Variants in NRXN3 observed in about 807,000 individuals in gnomAD.
NRXN3 encodes the protein neurexin III.
A neutral mutation model predicts 137.6 loss-of-function variants in NRXN3; 32 were observed. The ratio of observed to expected loss-of-function variants is 0.23; its 90% CI spans 0.18 to 0.31. NRXN3 has a LOEUF of 0.31. NRXN3 is among the 10% of genes least tolerant of loss of function. NRXN3 has a pLI of 1.00. For missense variants in NRXN3, 1,574 were observed against 2,062.5 expected (o/e 0.76, Z 4.59); for synonymous variants, 798 against 784.5 (o/e 1.02, Z -0.29).
intron 15 of NRXN3, among the ~76,000 whole-genome samples, chr14:79,128,623 T>G (rs2056953549): frequency 6.6e-6 from 1 of 152,170 alleles, no homozygotes; most frequent in African/African-American, 2.4e-5. Flanking sequence ...ATCAAGGATA[T>G]TGGTCTAAAA....
intron 16 of NRXN3, among the ~76,000 whole-genome samples, chr14:79,637,499 T>C (rs984321690): frequency 1.3e-5 from 2 of 151,640 alleles, no homozygotes; most frequent in Non-Finnish European, 2.9e-5. Flanking sequence ...CCCAGCAGTG[T>C]AGGAAAGGGG....
intron 16 of NRXN3, among the ~76,000 whole-genome samples, chr14:79,597,055 C>A (rs556236741): frequency 2.0e-5 from 3 of 152,188 alleles, no homozygotes; most frequent in Non-Finnish European, 2.9e-5. Context: ...TCTTTCTCTA[C>A]TACCTTAGTC....
At chr14:79,844,340 G>A (rs900040538) in intron 20 of NRXN3, among the ~76,000 whole-genome samples, 1 of 149,452 alleles carries the variant, frequency 6.7e-6, no homozygotes, top group African/African-American at 2.5e-5. Context: ...TGTTCTTAAT[G>A]GTATCTAGAA....
intron 1 of NRXN3, among the ~76,000 whole-genome samples, chr14:78,180,367 C>T (rs2059701505): frequency 6.6e-6 from 1 of 152,176 alleles, no homozygotes; most frequent in African/African-American, 2.4e-5. Flanking sequence ...ATGAAGCATC[C>T]AGTAGTAACA....
chr14:78,698,746 A>G (rs17108074), intron 6 of NRXN3, among the ~76,000 whole-genome samples: 20,340 of 151,992 alleles, frequency 0.13, 1,763 homozygotes, highest in African/African-American at 0.22. Flanking sequence ...TCTGGGGTGC[A>G]GAACTTTCCA....
intron 8 of NRXN3, among the ~76,000 whole-genome samples, chr14:78,780,274 G>T (rs2153025830): frequency 6.6e-6 from 1 of 152,064 alleles, no homozygotes; most frequent in East Asian, 1.9e-4. Context: ...AATGAAATTA[G>T]ACTTCATTTT....
intron 2 of NRXN3, among the ~76,000 whole-genome samples, chr14:78,255,945 G>T (rs1479800765): frequency 2.0e-5 from 3 of 152,190 alleles, no homozygotes; most frequent in African/African-American, 7.2e-5. Flanking sequence ...GACCACACTG[G>T]CCACTGTTGG....
At chr14:79,189,396 G>C (rs1478455499) in intron 15 of NRXN3, among the ~76,000 whole-genome samples, 1 of 114,914 alleles carries the variant, frequency 8.7e-6, no homozygotes, top group Non-Finnish European at 1.7e-5. Context: ...GTGGGGTGGG[G>C]GGAGGGGGGA....
rs1008759639 is a variant in NRXN3, at chr14:79,629,828, T to C, written c.3445-33950T>C. Reference sequence around the variant, plus strand: ...GTGTGTATGTGCGTGTGTGTGTGCGTGTGTGTGTGTGTGTGCGTGTGTGTG... The same window carrying C: ...GTGTGTATGTGCGTGTGTGTGTGCGCGTGTGTGTGTGTGTGCGTGTGTGTG... On this transcript the variant is annotated intron_variant, in intron 16 of 20. Coordinates refer to ENST00000335750, the MANE Select transcript of NRXN3 (RefSeq NM_001330195.2). Among the ~76,000 whole-genome samples, 14 of 72,184 alleles carry C rather than the reference T, an allele frequency of 1.9e-4. No homozygotes were observed. The East Asian group carries it at 2.8e-3, about 14-fold the overall frequency. The allele number at this position is 72,184 out of a possible 152,430, so 47.4% of individuals were successfully genotyped here.
chr14:79,348,378 C>CTCTCTTTTTTTTTTT (rs535595782), intron 15 of NRXN3, among the ~76,000 whole-genome samples: 1 of 135,974 alleles, frequency 7.4e-6, no homozygotes, highest in African/African-American at 2.9e-5. Flanking sequence ...AATCTTCTCT[C>CTCTCTTTTTTTTTTT]TTTTTTTTTT....
chr14:79,056,809 G>C (rs999566664), intron 15 of NRXN3, among the ~76,000 whole-genome samples: 5 of 152,204 alleles, frequency 3.3e-5, no homozygotes, highest in Non-Finnish European at 7.3e-5. Flanking sequence ...TAAGTACTGG[G>C]ACTATGGAAA....
intron 15 of NRXN3, among the ~76,000 whole-genome samples, chr14:79,321,200 T>C (rs1250642403): frequency 1.3e-5 from 2 of 152,120 alleles, no homozygotes; most frequent in African/African-American, 4.8e-5. Context: ...GGTATCTTTC[T>C]TTGTTTATTG....
chr14:78,637,808 CT>C (rs1238094438), intron 4 of NRXN3, among the ~76,000 whole-genome samples: 2 of 152,002 alleles, frequency 1.3e-5, no homozygotes, highest in African/African-American at 2.4e-5. Context: ...TTTACAATTT[CT>C]TTTTTTTGTA....
chr14:79,660,216 G>A (rs1347120429), intron 16 of NRXN3, among the ~76,000 whole-genome samples: 2 of 152,252 alleles, frequency 1.3e-5, no homozygotes, highest in African/African-American at 2.4e-5. Context: ...GCAACTCTAT[G>A]GGTATTCGCC....
intron 8 of NRXN3, among the ~76,000 whole-genome samples, chr14:78,801,917 C>T (rs1402257765): frequency 6.6e-6 from 1 of 152,194 alleles, no homozygotes; most frequent in Non-Finnish European, 1.5e-5. Context: ...CATTTAACCA[C>T]TTGTATGTTC....
At chr14:79,008,784 G>A (rs893935626) in intron 15 of NRXN3, among the ~76,000 whole-genome samples, 12 of 150,704 alleles carry the variant, frequency 8.0e-5, no homozygotes, top group African/African-American at 7.3e-5. Flanking sequence ...TCAGCCTCCC[G>A]AGTAGCTGGG....
At chr14:79,649,987 C>T (rs1433618021) in intron 16 of NRXN3, among the ~76,000 whole-genome samples, 2 of 152,174 alleles carry the variant, frequency 1.3e-5, no homozygotes, top group African/African-American at 2.4e-5. Flanking sequence ...TGGCCACCTT[C>T]TTGCTGTATC....
chr14:79,746,443 A>C (rs748321522), intron 19 of NRXN3, among the ~76,000 whole-genome samples: 20 of 152,120 alleles, frequency 1.3e-4, no homozygotes, highest in Non-Finnish European at 2.8e-4. Flanking sequence ...TCATCTACCC[A>C]TAACAAGTCT....
intron 16 of NRXN3, among the ~76,000 whole-genome samples, chr14:79,528,658 TAAA>T (rs34298385): frequency 6.6e-6 from 1 of 150,802 alleles, no homozygotes; most frequent in African/African-American, 2.4e-5. Context: ...ATGTGTATGG[TAAA>T]AAAAAAAAGT....
Sources: allele counts gnomAD v4.1 joint callset (sites outside exome capture counted in the v4.1 genomes callset), GRCh38; gene constraint gnomAD v4.1.1; transcripts MANE v1.5; gene names NCBI Gene and HGNC (gene_info 2026-07-23, HGNC 2026-07-21).